ZC3H13: variants seen among roughly 807,000 people sequenced by gnomAD.
The protein encoded by ZC3H13 is zinc finger CCCH domain-containing protein 13.
ZC3H13 carries 64 observed loss-of-function variants against 204.1 expected under a neutral mutation model. That is an observed-to-expected ratio of 0.31 (90% CI 0.26 to 0.39). ZC3H13 has a LOEUF of 0.39. Among genes scored for constraint, ZC3H13 ranks in the 10% least tolerant of loss-of-function variants. The pLI is 1.00. For missense variants in ZC3H13, 1,833 were observed against 2,082.7 expected (o/e 0.88, Z 2.33); for synonymous variants, 667 against 693.7 (o/e 0.96, Z 0.60).
chr13:45,955,152 T>C lies in ZC3H13; in HGVS notation c.*1975A>G, dbSNP rs1017338262. 2 of 152,206 alleles carry C rather than the reference T, an allele frequency of 1.3e-5. No homozygotes were observed. Among genetic ancestry groups the C allele is most frequent in the African/African-American group, 2.4e-5 (1 of 41,460 alleles). 9.4% of individuals were successfully genotyped at this position (152,206 alleles called of 1,614,324 possible). A position where few individuals can be genotyped will look rare whatever the true frequency, so the allele number is the denominator to read the frequency against. On this transcript the variant is annotated 3_prime_UTR_variant, in exon 19 of 19. Transcript: ENST00000679008. ...TTTAATTGTACTAGCAAACAATTTA[T>C]AGACTGGAAGATTGTTTTTCGGGAA...
intron 4 of ZC3H13, among the ~76,000 whole-genome samples, chr13:46,025,282 T>C (rs2042474047): frequency 6.6e-6 from 1 of 152,296 alleles, no homozygotes; most frequent in East Asian, 1.9e-4. Flanking sequence ...CTACCTATCT[T>C]ATTGATCTTA....
chr13:45,961,666 A>C (rs1951700734), intron 17 of ZC3H13, among the ~76,000 whole-genome samples: 1 of 151,968 alleles, frequency 6.6e-6, no homozygotes, highest in South Asian at 2.1e-4. Flanking sequence ...GGGTGACTAT[A>C]ACACCCTGTT....
intron 15 of ZC3H13, among the ~76,000 whole-genome samples, chr13:45,966,156 T>C (rs1189346581): frequency 1.3e-5 from 2 of 152,158 alleles, no homozygotes; most frequent in Non-Finnish European, 2.9e-5. Flanking sequence ...GTTGTGAACT[T>C]AATCCTAAAA....
chr13:45,955,589 A>C lies in ZC3H13; in HGVS notation c.*1538T>G, dbSNP rs2137665320. On this transcript the variant is annotated 3_prime_UTR_variant, in exon 19 of 19. Transcript: ENST00000679008. ...TAGGATTAGAAATTCTAGGACTTTA[A>C]ATCTTTGTGCTACAGAGAACAATAT... 1 of 152,240 alleles carries C rather than the reference A, an allele frequency of 6.6e-6. No homozygotes were observed. The highest frequency in any genetic ancestry group is 1.5e-5 in the Non-Finnish European group (1 of 67,980). 9.4% of individuals were successfully genotyped at this position (152,240 alleles called of 1,614,324 possible). A position where few individuals can be genotyped will look rare whatever the true frequency, so the allele number is the denominator to read the frequency against.
intron 17 of ZC3H13, among the ~76,000 whole-genome samples, chr13:45,960,629 A>C (rs190525712): frequency 6.6e-6 from 1 of 152,278 alleles, no homozygotes; most frequent in East Asian, 1.9e-4. Flanking sequence ...AATAAAATAT[A>C]AAGAGGTTAG....
In ZC3H13 at chr13:45,983,490, T is replaced by C. The variant is rs993804094; in HGVS notation, c.1720+1807A>G. ...CGCCCAAGCTGGACTGCAGTGGCGC[T>C]ATCCCGGCTCACTGCAAGCTCCGCC... On this transcript the variant is annotated intron_variant, in intron 10 of 18. Transcript: ENST00000679008. 1.0e-4 allele frequency among the ~76,000 whole-genome samples: 13 copies of C among 126,836 alleles called. No homozygotes were observed. The Admixed American group carries it at 1.1e-3, about 11-fold the overall frequency. The allele number at this position is 126,836 out of a possible 152,430, so 83.2% of individuals were successfully genotyped here.
intron 8 of ZC3H13, among the ~76,000 whole-genome samples, chr13:45,998,692 T>C (rs2040519930): frequency 6.6e-6 from 1 of 152,046 alleles, no homozygotes; most frequent in African/African-American, 2.4e-5. Context: ...TAAAATACTT[T>C]ATTGTTAAAG....
chr13:45,995,590 A>C (rs1002647084), intron 8 of ZC3H13, among the ~76,000 whole-genome samples: 1 of 152,200 alleles, frequency 6.6e-6, no homozygotes, highest in Non-Finnish European at 1.5e-5. Context: ...ACCCCACATT[A>C]TTCTACTTGT....
At position 45,983,427 on chromosome 13, in the gene ZC3H13, T is replaced by A. The variant is rs1298194570; in HGVS notation, c.1720+1870A>T. On this transcript the variant is annotated intron_variant, in intron 10 of 18. Transcript: ENST00000679008. The stretch of plus-strand genomic sequence containing the variant: ...TATATATATATATTTTTTTTTTTTT[T>A]TTTTTTTTTTTTTTTTTGAGACGGA... Among the ~76,000 whole-genome samples, 9 of 45,638 alleles carry A rather than the reference T, an allele frequency of 2.0e-4. 1 individual carries two copies. The highest frequency in any genetic ancestry group is 4.9e-4 in the African/African-American group (3 of 6,118). 29.9% of individuals were successfully genotyped at this position (45,638 alleles called of 152,430 possible).
rs1555277662 is a variant in ZC3H13 at position 45,983,401 on chromosome 13, T to TTATATATATATATA, written c.1720+1895_1720+1896insTATATATATATATA. Reference sequence around the variant, plus strand: ...TGAAACAAAGCAAAGCCCCTTCTACTTATATATATATATTTTTTTTTTTTT... The same window carrying TTATATATATATATA: ...TGAAACAAAGCAAAGCCCCTTCTACTTATATATATATATATATATATATATATTTTTTTTTTTTT... On this transcript the variant is annotated intron_variant, in intron 10 of 18. Transcript: ENST00000679008. Among the ~76,000 whole-genome samples the TTATATATATATATA allele has an allele frequency of 1.1e-3, 38 of 35,482 alleles. 3 individuals carry two copies. The highest frequency in any genetic ancestry group is 2.0e-3 in the African/African-American group (11 of 5,602). 23.3% of individuals were successfully genotyped at this position (35,482 alleles called of 152,430 possible). A position where few individuals can be genotyped will look rare whatever the true frequency, so the allele number is the denominator to read the frequency against.
chr13:46,036,960 C>G (rs2043247705), intron 4 of ZC3H13, among the ~76,000 whole-genome samples: 1 of 152,104 alleles, frequency 6.6e-6, no homozygotes, highest in Admixed American at 6.5e-5. Context: ...CTCAAGTGAT[C>G]TGCCCACCTC....
chr13:46,004,717 A>G (rs1407168862), intron 7 of ZC3H13, among the ~76,000 whole-genome samples: 2 of 152,166 alleles, frequency 1.3e-5, no homozygotes, highest in African/African-American at 4.8e-5. Flanking sequence ...TGAAATATCA[A>G]CCACTGTCAG....
At chr13:45,976,063 C>A in intron 11 of ZC3H13, 1 of 839,018 alleles carries the variant, frequency 1.2e-6, no homozygotes, top group Non-Finnish European at 1.4e-6. Context: ...ATGTTTCCTG[C>A]TCCCCGTCAA....
At chr13:45,966,589 G>A (rs1045953101) in intron 15 of ZC3H13, among the ~76,000 whole-genome samples, 4 of 151,984 alleles carry the variant, frequency 2.6e-5, no homozygotes, top group Admixed American at 1.3e-4. Flanking sequence ...AGAGATGAGG[G>A]ATACTGACTC....
chr13:46,041,386 G>A (rs571088434), intron 4 of ZC3H13, among the ~76,000 whole-genome samples: 2 of 152,262 alleles, frequency 1.3e-5, no homozygotes, highest in African/African-American at 4.8e-5. Context: ...TCTAGAGAGA[G>A]AAAGAGGATT....
chr13:45,959,687 T>TA, intron 17 of ZC3H13, 41 bp from the exon 18 acceptor site: 1 of 1,475,702 alleles, frequency 6.8e-7, no homozygotes. Flanking sequence ...TTTACTAAAA[T>TA]AGAAAAGGGT....
rs918077962 is a variant in ZC3H13 at position 46,037,478 on chromosome 13, T to G, written c.339+4686A>C. 2.9e-4 allele frequency among the ~76,000 whole-genome samples: 44 copies of G among 152,236 alleles called. 1 individual carries two copies. Among genetic ancestry groups the G allele is most frequent in the Admixed American group, 2.9e-3 (44 of 15,284 alleles). On this transcript the variant is annotated intron_variant, in intron 4 of 18. Coordinates refer to ENST00000679008, the MANE Select transcript of ZC3H13 (RefSeq NM_001330564.2). ...TAAATGCTTGAATATTCTTCCTGAC[T>G]ATATTTAGGGGTCTAATTTTGCTTT...
At chr13:45,979,759 A>C (rs1953385510) in intron 11 of ZC3H13, 54 bp downstream of exon 11, 3 of 1,492,846 alleles carry the variant, frequency 2.0e-6, no homozygotes, top group Non-Finnish European at 2.7e-6. Context: ...GTTTGAAAAA[A>C]CAATTCGCCC....
At chr13:45,974,412 C>T (rs1253599458) in intron 12 of ZC3H13, among the ~76,000 whole-genome samples, 4 of 152,178 alleles carry the variant, frequency 2.6e-5, no homozygotes, top group Admixed American at 2.6e-4. Context: ...ATGGAAACTG[C>T]TAATGCTTTG....
Sources: gnomAD v4.1 joint callset for allele counts (sites outside exome capture counted in the v4.1 genomes callset) on GRCh38, gnomAD v4.1.1 for gene constraint, MANE v1.5 for transcripts, NCBI Gene and HGNC (gene_info 2026-07-23, HGNC 2026-07-21) for gene names.